Variants in MUC4 observed in about 807,000 individuals in gnomAD.
The protein encoded by MUC4 is mucin 4, cell surface associated.
A neutral mutation model predicts 257.9 loss-of-function variants in MUC4; 202 were observed. That is an observed-to-expected ratio of 0.78 (90% confidence interval 0.70 to 0.88). The LOEUF is 0.88. Ranked by LOEUF, MUC4 falls within the 40% of genes least tolerant of loss-of-function variation. The probability of loss-of-function intolerance (pLI) is 0.00; values close to 1 mark genes in which losing one functional copy is unlikely to be tolerated. For missense variants in MUC4, 5,976 were observed against 6,513.7 expected, an observed-to-expected ratio of 0.92 and a Z score of 2.84; for synonymous variants, 2,351 against 2,757.1, an observed-to-expected ratio of 0.85 and a Z score of 4.62.
In MUC4 at chr3:195,767,752, C is replaced by CCCCAACACT. The variant is rs1721526608; in HGVS notation, c.13530-1002_13530-1001insAGTGTTGGG. Among the ~76,000 whole-genome samples the CCCCAACACT allele has an allele frequency of 3.8e-5, 4 of 104,888 alleles. 1 individual carries two copies. The highest frequency in any genetic ancestry group is 9.4e-5 in the African/African-American group (2 of 21,180). 68.8% of individuals were successfully genotyped at this position (104,888 alleles called of 152,430 possible). ...TCACCACCACCATCACCATCGCCAC[C>CCCCAACACT]ACCACCATCACCACCACCACCACCA... On this transcript the variant is annotated intron_variant, in intron 7 of 24. Transcript: ENST00000463781.
intron 1 of MUC4, among the ~76,000 whole-genome samples, chr3:195,797,610 A>C (rs1427905296): frequency 6.6e-6 from 1 of 152,240 alleles, no homozygotes; most frequent in Admixed American, 6.5e-5. Flanking sequence ...GCTTCTAATC[A>C]ACATTAGGTT....
At position 195,778,807 on chromosome 3, in the gene MUC4, A is replaced by G; in HGVS notation, c.12773T>C (p.Leu4258Pro). ...SASTVSSDSP[L>P]KMETPGMTTP... ...GCAGCTACCTGGTGTTTCCATCTTC[A>G]GAGGGGAGTCCGAGGATACTGTGGA... The change falls in exon 2 of 25, where the codon CTG becomes CCG. Residue 4258 changes from leucine (L) to proline (P), a missense_variant. By Grantham distance (98) the Leu-to-Pro change is moderately conservative (BLOSUM62 -3). Around this residue, in one of 44 missense-constraint regions of MUC4, gnomAD observed 233 missense variants for 171.2 expected, o/e 1.36. Coordinates refer to ENST00000463781, the MANE Select transcript of MUC4 (RefSeq NM_018406.7). The G allele has an allele frequency of 6.2e-7, 1 of 1,611,544 alleles. No homozygotes were observed. Among genetic ancestry groups the G allele is most frequent in the Non-Finnish European group, 8.5e-7 (1 of 1,179,072 alleles).
At chr3:195,792,977 T>C (rs1734056190) in intron 1 of MUC4, among the ~76,000 whole-genome samples, 1 of 152,112 alleles carries the variant, frequency 6.6e-6, no homozygotes, top group East Asian at 1.9e-4. Context: ...CACTGGCGCC[T>C]GTCAGGGACG....
intron 5 of MUC4, 67 bp downstream of exon 5, chr3:195,771,585 C>T: frequency 6.4e-7 from 1 of 1,559,880 alleles, no homozygotes; most frequent in Non-Finnish European, 8.7e-7. Context: ...CAAAGCCTTC[C>T]ACACAGCTCT....
rs1715160109 is a variant in MUC4, at chr3:195,746,992, C to T, written c.*184G>A. 5.8e-6 allele frequency: 5 copies of T among 861,014 alleles called. No homozygotes were observed. The highest frequency in any genetic ancestry group is 8.9e-6 in the Non-Finnish European group (5 of 563,326). 53.3% of individuals were successfully genotyped at this position (861,014 alleles called of 1,614,324 possible). A position where few individuals can be genotyped will look rare whatever the true frequency, so the allele number is the denominator to read the frequency against. On this transcript the variant is annotated 3_prime_UTR_variant, in exon 25 of 25. Transcript: ENST00000463781. ...TGCATGTTTGATCTTTATGGCCTCCCCCTGTGCACCTGCGCCTATGGATAA... is the reference window on the plus strand; with the variant it reads ...TGCATGTTTGATCTTTATGGCCTCCTCCTGTGCACCTGCGCCTATGGATAA...
At position 195,788,715 on chromosome 3, in the gene MUC4, G is replaced by C. The variant is rs372289258; in HGVS notation, c.2865C>G (p.His955Gln). Residue 955 changes from histidine (H) to glutamine (Q), a missense_variant, in exon 2 of 25, where the codon CAC (histidine) becomes CAG (glutamine). By Grantham distance (24) the His-to-Gln change is conservative (BLOSUM62 0). Around this residue, in one of 44 missense-constraint regions of MUC4, gnomAD observed 1,583 missense variants for 1,257.4 expected, o/e 1.26. Transcript: ENST00000463781. The stretch of plus-strand genomic sequence containing the variant: ...TACCAGACCCTGAAGGTGACAGAGT[G>C]TGGGTCTCGGTTTGTGGAGATGTAA... Reference protein sequence around the residue: ...TGLTSPQTETHTLSPSGSGKT... With the variant: ...TGLTSPQTETQTLSPSGSGKT... 4 of 1,612,750 alleles carry C rather than the reference G, an allele frequency of 2.5e-6. No homozygotes were observed. The African/African-American group carries it at 5.4e-5, about 22-fold the overall frequency.
At position 195,784,084 on chromosome 3, in the gene MUC4, A is replaced by G. The variant is rs1227490981; in HGVS notation, c.7496T>C (p.Val2499Ala). The G allele has an allele frequency of 6.5e-7, 1 of 1,530,602 alleles. No homozygotes were observed. Among genetic ancestry groups the G allele is most frequent in the Non-Finnish European group, 8.8e-7 (1 of 1,138,660 alleles). The allele number at this position is 1,530,602 out of a possible 1,614,324, so 94.8% of individuals were successfully genotyped here. ...VSTGDTTRLP[V>A]TSPSSASTGH... ...TGTAGATGCTGAGGAAGGGCTGGTG[A>G]CAGGAAGACGGGTGGTGTCACCTGT... Residue 2499 changes from valine to alanine, a missense_variant, in exon 2 of 25, where the codon GTC (valine) becomes GCC (alanine). Physicochemically the swap from Val to Ala is moderately conservative, Grantham distance 64 (BLOSUM62 0). Transcript: ENST00000463781.
chr3:195,779,612 T>C lies in MUC4; in HGVS notation c.11968A>G (p.Thr3990Ala), dbSNP rs879473967. The C allele has an allele frequency of 4.2e-4, 385 of 911,788 alleles. 2 individuals are homozygous for C. Among genetic ancestry groups the C allele is most frequent in the East Asian group, 2.6e-3 (34 of 13,096 alleles). The allele number at this position is 911,788 out of a possible 1,614,324, so 56.5% of individuals were successfully genotyped here. Residue 3990 changes from threonine (T) to alanine (A), a missense_variant, in exon 2 of 25, where the codon ACT becomes GCT. Transcript: ENST00000463781. Reference protein sequence around the residue: ...GHATPLPVTDTSSVSTGHATP... With the variant: ...GHATPLPVTDASSVSTGHATP... Reference sequence around the variant, plus strand: ...GCGTGACCTGTGGATACTGAGGAAGTGTCGGTGACAGGAAGGGGGGTGGCG... The same window carrying C: ...GCGTGACCTGTGGATACTGAGGAAGCGTCGGTGACAGGAAGGGGGGTGGCG...
chr3:195,767,826 C>CCACCATCACCACCATCATCACCATCAT (rs1721699235), intron 7 of MUC4, among the ~76,000 whole-genome samples: 1 of 110,908 alleles, frequency 9.0e-6, no homozygotes, highest in Non-Finnish European at 2.1e-5. Context: ...ACCACCACCA[C>CCACCATCACCACCATCATCACCATCAT]CACCATCACC....
chr3:195,806,609 T>C (rs1736015838), intron 1 of MUC4, among the ~76,000 whole-genome samples: 1 of 152,164 alleles, frequency 6.6e-6, no homozygotes, highest in South Asian at 2.1e-4. Flanking sequence ...GTGGTTTAAT[T>C]AACAAATGAA....
rs770005032 is a variant in MUC4, at chr3:195,779,470, C to T, written c.12110G>A (p.Ser4037Asn). 0.016 allele frequency: 15,263 copies of T among 945,954 alleles called. 72 individuals are homozygous for T. The highest frequency in any genetic ancestry group is 0.019 in the Admixed American group (597 of 31,784). 58.6% of individuals were successfully genotyped at this position (945,954 alleles called of 1,614,324 possible). ...TGHATPVPVT[S>N]TSSASTGDTT... ...GTCACCTGTGGATGCTGAGGAAGTG[C>T]TGGTGACAGGAACAGGGGTGGCGTG... The change falls in exon 2 of 25, where the codon AGC becomes AAC. Residue 4037 changes from serine to asparagine, a missense_variant. This residue lies in a region of MUC4 where 293 missense variants were observed against 294.5 expected (regional missense o/e 1.00). Transcript: ENST00000463781.
intron 1 of MUC4, among the ~76,000 whole-genome samples, chr3:195,798,875 C>T (rs56350323): frequency 6.6e-6 from 1 of 151,968 alleles, no homozygotes; most frequent in South Asian, 2.1e-4. Flanking sequence ...GATGGCAGTT[C>T]CTTGCTTCCC....
intron 1 of MUC4, among the ~76,000 whole-genome samples, chr3:195,805,442 T>C (rs572543594): frequency 7.2e-5 from 11 of 152,172 alleles, no homozygotes; most frequent in African/African-American, 1.9e-4. Context: ...GTCTCCACCA[T>C]CTTGGTGTTG....
rs1248446202 is a variant in MUC4 at position 195,784,531 on chromosome 3, G to A, written c.7049C>T (p.Ala2350Val). The change falls in exon 2 of 25, where the codon GCC becomes GTC. Residue 2350 changes from alanine (A) to valine (V), a missense_variant. This residue lies in a region of MUC4 where 35 missense variants were observed against 64.3 expected (regional missense o/e 0.54). Transcript: ENST00000463781. Reference sequence around the variant, plus strand: ...AGCGTCGGTGACATGAAGAGGGGTGGCGTGACCTGTGGATGCTGAGGAAGG... The same window carrying A: ...AGCGTCGGTGACATGAAGAGGGGTGACGTGACCTGTGGATGCTGAGGAAGG... Reference protein sequence around the residue: ...TSPSSASTGHATPLHVTDASS... With the variant: ...TSPSSASTGHVTPLHVTDASS... The A allele has an allele frequency of 6.5e-7, 1 of 1,537,978 alleles. No homozygotes were observed. The highest frequency in any genetic ancestry group is 8.8e-7 in the Non-Finnish European group (1 of 1,141,370).
rs776182384 is a variant in MUC4, at chr3:195,765,109, G to A, written c.13812C>T (p.Leu4604=). 6.2e-6 allele frequency: 10 copies of A among 1,612,766 alleles called. No individual in the cohort carries two copies. Among genetic ancestry groups the A allele is most frequent in the African/African-American group, 1.3e-5 (1 of 74,890 alleles). Residue 4604 remains leucine, a synonymous_variant, in exon 10 of 25, where the codon CTC becomes CTT. Transcript: ENST00000463781. Reference sequence around the variant, plus strand: ...TGAAGCTGCACAGCTGCCTACTGCCGAGGCCCCAGCGACCTGAAACAAGTC... The same window carrying A: ...TGAAGCTGCACAGCTGCCTACTGCCAAGGCCCCAGCGACCTGAAACAAGTC... The part of the protein sequence containing the change: ...FQPVSIGRWG[L]GSRQLCSFTS...
In MUC4 at chr3:195,790,989, G is replaced by A. The variant is rs1457389064; in HGVS notation, c.591C>T (p.Asn197=). ...SIQDTSASSQ[N]HWTRSTQTTR... ...TGGTCTGCGTGCTCCGAGTCCAGTG[G>A]TTCTGAGAAGAAGCTGATGTGTCTT... is the stretch of plus-strand genomic sequence containing the variant. The change falls in exon 2 of 25, where the codon AAC becomes AAT. Residue 197 remains asparagine, a synonymous_variant. Transcript: ENST00000463781. The A allele has an allele frequency of 1.2e-6, 2 of 1,614,032 alleles. No homozygotes were observed. The highest frequency in any genetic ancestry group is 1.7e-5 in the Admixed American group (1 of 60,020).
chr3:195,747,265 CCAG>C lies in MUC4; in HGVS notation c.16147_16149del (p.Leu5383del). The C allele has an allele frequency of 6.2e-7, 1 of 1,614,242 alleles. No individual in the cohort carries two copies. Among genetic ancestry groups the C allele is most frequent in the Non-Finnish European group, 8.5e-7 (1 of 1,180,034 alleles). On this transcript the variant is annotated inframe_deletion, in exon 25 of 25. Transcript: ENST00000463781. ...CGCAGGACCACGAACGTCCCGACCC[CCAG>C]CAGCAAGAGGCCGCCCAGGGCCCCA...
chr3:195,746,870 A>G lies in MUC4; in HGVS notation c.*306T>C. The G allele has an allele frequency of 2.2e-6, 1 of 459,048 alleles. No homozygotes were observed. The highest frequency in any genetic ancestry group is 3.8e-6 in the Non-Finnish European group (1 of 260,802). The allele number at this position is 459,048 out of a possible 1,614,324, so 28.4% of individuals were successfully genotyped here. A position where few individuals can be genotyped will look rare whatever the true frequency, so the allele number is the denominator to read the frequency against. On this transcript the variant is annotated 3_prime_UTR_variant, in exon 25 of 25. Coordinates refer to ENST00000463781, the MANE Select transcript of MUC4 (RefSeq NM_018406.7). ...GCATTTTGCTTAACTTAGGGCCATCACCACATTATGAACTCGTGTGTGTGT... is the reference window on the plus strand; with the variant it reads ...GCATTTTGCTTAACTTAGGGCCATCGCCACATTATGAACTCGTGTGTGTGT...
At chr3:195,752,749 C>T (rs2148760323) in intron 20 of MUC4, among the ~76,000 whole-genome samples, 1 of 152,316 alleles carries the variant, frequency 6.6e-6, no homozygotes, top group Middle Eastern at 3.4e-3. Flanking sequence ...GAGAAGTGGC[C>T]CTCACGCTAG....
Sources: gnomAD v4.1 joint callset for allele counts (sites outside exome capture counted in the v4.1 genomes callset) on GRCh38, gnomAD v4.1.1 for gene constraint, gnomAD v4.1.1 regional missense constraint, MANE v1.5 for transcripts, NCBI Gene and HGNC (gene_info 2026-07-23, HGNC 2026-07-21) for gene names.